The following PPP1R36 variants were observed in gnomAD, a reference collection of about 807,000 sequenced individuals.
The protein encoded by PPP1R36 is protein phosphatase 1 regulatory subunit 36.
Under a neutral mutation model 53.4 loss-of-function variants are expected in PPP1R36, and 47 were observed. That is an observed-to-expected ratio of 0.88 (90% confidence interval 0.70 to 1.12). PPP1R36 has a LOEUF of 1.12. Among genes scored for constraint, PPP1R36 ranks in the 50% most tolerant of loss-of-function variants. The pLI is 0.00. For synonymous variants in PPP1R36, 153 were observed against 170.5 expected (o/e 0.90, Z 0.80); for missense variants, 456 against 513.9 (o/e 0.89, Z 1.09).
chr14:64,565,584 A>G (rs879908763), intron 5 of PPP1R36, 42 bp from the exon 6 acceptor site: 18 of 1,550,828 alleles, frequency 1.2e-5, no homozygotes, highest in African/African-American at 2.7e-5. Flanking sequence ...TCTCTAAGGT[A>G]GCTCTTTGTC....
chr14:64,551,107 C>T (rs1292325580), intron 2 of PPP1R36, 122 bp downstream of exon 2: 1 of 644,976 alleles, frequency 1.6e-6, no homozygotes, highest in African/African-American at 1.8e-5. Context: ...TGGAAGGAAA[C>T]AATCATTTCA....
rs1283862212 is a variant in PPP1R36, at chr14:64,587,178, C to T, written c.712-16C>T. On this transcript the variant is annotated splice_polypyrimidine_tract_variant and intron_variant, in intron 9 of 11. Coordinates refer to ENST00000298705, the MANE Select transcript of PPP1R36 (RefSeq NM_172365.3). ...CACAGCTAAGGATCGTGATTCTTGT[C>T]TATTTTTTGTTGTAGTCCTTTTATA... The T allele has an allele frequency of 4.4e-6, 7 of 1,587,654 alleles. No individual in the cohort carries two copies. Among genetic ancestry groups the T allele is most frequent in the Non-Finnish European group, 5.2e-6 (6 of 1,162,592 alleles).
chr14:64,549,961 A>T lies in PPP1R36; in HGVS notation c.-37A>T. ...CCGTGTGCAGGCGCCTGCGGGCGGT[A>T]TCCTCGGCGACGCCGTATGGCTTCC... On this transcript the variant is annotated 5_prime_UTR_variant, in exon 1 of 12. Transcript: ENST00000298705. 6.5e-7 allele frequency: 1 copy of T among 1,534,460 alleles called. No individual in the cohort carries two copies. The highest frequency in any genetic ancestry group is 8.8e-7 in the Non-Finnish European group (1 of 1,133,024).
intron 6 of PPP1R36, 105 bp downstream of exon 6, chr14:64,565,797 C>A: frequency 1.1e-6 from 1 of 869,922 alleles, no homozygotes; most frequent in Non-Finnish European, 1.9e-6. Context: ...GAGCGTGAGG[C>A]TGGCTCTATG....
At chr14:64,579,822 T>C (rs1007635424) in intron 8 of PPP1R36, among the ~76,000 whole-genome samples, 1 of 151,662 alleles carries the variant, frequency 6.6e-6, no homozygotes, top group Non-Finnish European at 1.5e-5. Context: ...TACAAAAAAT[T>C]AGCCGGGCGT....
At chr14:64,552,562 T>C (rs905431580) in intron 2 of PPP1R36, 24 of 355,808 alleles carry the variant, frequency 6.7e-5, no homozygotes, top group South Asian at 6.5e-4. Flanking sequence ...CATTAATACG[T>C]CTTGGGCTGT....
At chr14:64,570,211 C>T (rs545403046) in intron 7 of PPP1R36, among the ~76,000 whole-genome samples, 27 of 152,002 alleles carry the variant, frequency 1.8e-4, no homozygotes, top group African/African-American at 5.5e-4. Context: ...TGGCCGGGCA[C>T]GGTGGCTCAT....
Position 64,589,180 on chromosome 14 carries a change from C to G in PPP1R36, c.1111C>G (p.Leu371Val). 1 of 1,612,946 alleles carries G rather than the reference C, an allele frequency of 6.2e-7. No homozygotes were observed. Among genetic ancestry groups the G allele is most frequent in the Non-Finnish European group, 8.5e-7 (1 of 1,179,710 alleles). ...VVGILGEPRC[L>V]FNPHTLHPLD... is the part of the protein sequence containing the mutation. Reference sequence around the variant, plus strand: ...TGGCATCTTGGGGGAGCCTCGATGTCTATTCAACCCACATACGCTTCACCC... The same window carrying G: ...TGGCATCTTGGGGGAGCCTCGATGTGTATTCAACCCACATACGCTTCACCC... The change falls in exon 12 of 12, where the codon CTA becomes GTA. Residue 371 changes from leucine (L) to valine (V), a missense_variant. Physicochemically the swap from Leu to Val is conservative, Grantham distance 32. Coordinates refer to ENST00000298705, the MANE Select transcript of PPP1R36 (RefSeq NM_172365.3).
chr14:64,554,924 T>C (rs938763854), intron 3 of PPP1R36, among the ~76,000 whole-genome samples: 3 of 152,000 alleles, frequency 2.0e-5, no homozygotes, highest in Non-Finnish European at 4.4e-5. Flanking sequence ...AAGAATCCAG[T>C]AGGCAGGAGT....
At chr14:64,553,518 T>C (rs1347431840) in intron 3 of PPP1R36, among the ~76,000 whole-genome samples, 1 of 152,116 alleles carries the variant, frequency 6.6e-6, no homozygotes, top group East Asian at 1.9e-4. Flanking sequence ...TATGACATAA[T>C]ACAAAAACAT....
chr14:64,577,098 G>A (rs1452860140), intron 8 of PPP1R36, among the ~76,000 whole-genome samples: 3 of 152,168 alleles, frequency 2.0e-5, no homozygotes, highest in African/African-American at 7.2e-5. Flanking sequence ...TCAGGCTCTG[G>A]TGAGGGCCCT....
rs751571174 is a variant in PPP1R36 at position 64,574,558 on chromosome 14, G to C, written c.637G>C (p.Val213Leu). 1.2e-6 allele frequency: 2 copies of C among 1,613,774 alleles called. No homozygotes were observed. The highest frequency in any genetic ancestry group is 1.7e-6 in the Non-Finnish European group (2 of 1,179,852). Reference protein sequence around the residue: ...KYCILVLGLAVPDKHHMCCGK... With the variant: ...KYCILVLGLALPDKHHMCCGK... ...CTGTATCCTTGTGCTGGGCTTGGCC[G>C]TGCCGGATAAGCATCACATGTGCTG... The change falls in exon 8 of 12, where the codon GTG becomes CTG. Residue 213 changes from valine (V) to leucine (L), a missense_variant. Val to Leu is a conservative substitution (Grantham distance 32). Transcript: ENST00000298705.
At chr14:64,580,691 C>T (rs2080381474) in intron 8 of PPP1R36, among the ~76,000 whole-genome samples, 1 of 152,130 alleles carries the variant, frequency 6.6e-6, no homozygotes, top group Non-Finnish European at 1.5e-5. Context: ...ACAGGTCAAA[C>T]GCTGAACAAA....
intron 8 of PPP1R36, among the ~76,000 whole-genome samples, chr14:64,580,374 T>C (rs2080379319): frequency 6.6e-6 from 1 of 152,230 alleles, no homozygotes; most frequent in Non-Finnish European, 1.5e-5. Context: ...TGCAAACCAA[T>C]GTTGGGATAA....
chr14:64,567,253 G>A (rs2080266604), intron 6 of PPP1R36, among the ~76,000 whole-genome samples: 1 of 152,220 alleles, frequency 6.6e-6, no homozygotes, highest in Non-Finnish European at 1.5e-5. Context: ...AAAGAAAACA[G>A]TGACTTCTAG....
At position 64,574,460 on chromosome 14, in the gene PPP1R36, T is replaced by G; in HGVS notation, c.539T>G (p.Leu180Arg). ...EKKPKSYMVG[L>R]VEKKEMELVL... Reference sequence around the variant, plus strand: ...TTTTTTGTCCTCCCCATCAGAGGCCTTGTAGAGAAAAAAGAAATGGAATTG... The same window carrying G: ...TTTTTTGTCCTCCCCATCAGAGGCCGTGTAGAGAAAAAAGAAATGGAATTG... Residue 180 changes from leucine to arginine, a missense_variant, in exon 8 of 12, where the codon CTT becomes CGT. By Grantham distance (102) the Leu-to-Arg change is moderately radical (BLOSUM62 -2). Transcript: ENST00000298705. The G allele has an allele frequency of 6.2e-7, 1 of 1,612,688 alleles. No individual in the cohort carries two copies. Among genetic ancestry groups the G allele is most frequent in the Non-Finnish European group, 8.5e-7 (1 of 1,179,538 alleles).
At chr14:64,585,395 A>G (rs1005361952) in intron 8 of PPP1R36, among the ~76,000 whole-genome samples, 1 of 151,800 alleles carries the variant, frequency 6.6e-6, no homozygotes, top group African/African-American at 2.4e-5. Context: ...GTGTGCCTGT[A>G]GTCTCAGCTA....
At chr14:64,566,102 T>C (rs1416859789) in intron 6 of PPP1R36, among the ~76,000 whole-genome samples, 1 of 152,124 alleles carries the variant, frequency 6.6e-6, no homozygotes, top group Non-Finnish European at 1.5e-5. Context: ...ACCCCGTCTC[T>C]ACTAAAAATA....
chr14:64,587,448 C>CCTTTTTTTTTTTTTTTTTTT, intron 10 of PPP1R36, 76 bp downstream of exon 10: 1 of 104,682 alleles, frequency 9.6e-6, no homozygotes, highest in Admixed American at 2.5e-4. Flanking sequence ...CTTTTTTCTC[C>CCTTTTTTTTTTTTTTTTTTT]TTTTTTTTTT....
Sources: allele counts gnomAD v4.1 joint callset (sites outside exome capture counted in the v4.1 genomes callset), GRCh38; gene constraint gnomAD v4.1.1; transcripts MANE v1.5; gene names NCBI Gene and HGNC (gene_info 2026-07-23, HGNC 2026-07-21).